The following PLXNA4 variants were observed in gnomAD, a reference collection of about 807,000 sequenced individuals.
PLXNA4 encodes the protein plexin A4, also known as plexin-A4.
In PLXNA4, 44 loss-of-function variants were observed where a neutral mutation model predicts 191.8. The observed-to-expected ratio is 0.23, with a 90% CI of 0.18 to 0.29. The LOEUF (loss-of-function observed/expected upper bound fraction) is 0.29. PLXNA4 is among the 10% of genes least tolerant of loss of function. The probability of loss-of-function intolerance (pLI) is 1.00; values close to 1 mark genes in which losing one functional copy is unlikely to be tolerated. For missense variants in PLXNA4, 1,800 were observed against 2,488.8 expected (o/e 0.72, Z 5.89); for synonymous variants, 1,082 against 1,009.5 (o/e 1.07, Z -1.36).
At chr7:132,254,938 G>T (rs1211562266) in intron 4 of PLXNA4, among the ~76,000 whole-genome samples, 2 of 152,146 alleles carry the variant, frequency 1.3e-5, no homozygotes, top group African/African-American at 4.8e-5. Flanking sequence ...TGGCCCTGGG[G>T]TGGAGATGGG....
At chr7:132,317,692 G>T (rs1425790641) in intron 3 of PLXNA4, among the ~76,000 whole-genome samples, 1 of 152,204 alleles carries the variant, frequency 6.6e-6, no homozygotes, top group African/African-American at 2.4e-5. Context: ...GTGACCATTT[G>T]CCTATCCTTG....
chr7:132,511,169 C>T (rs931152458), intron 1 of PLXNA4, among the ~76,000 whole-genome samples: 25 of 152,278 alleles, frequency 1.6e-4, no homozygotes, highest in Middle Eastern at 3.4e-3. Flanking sequence ...GGGCTGGAAG[C>T]ATAGACGAAT....
chr7:132,527,444 A>G (rs778039251), intron 1 of PLXNA4, among the ~76,000 whole-genome samples: 25 of 150,242 alleles, frequency 1.7e-4, no homozygotes, highest in Non-Finnish European at 3.0e-4. Context: ...AGTGAAGTTT[A>G]AAGAGGCTAA....
At chr7:132,325,748 T>C (rs960131341) in intron 3 of PLXNA4, among the ~76,000 whole-genome samples, 4 of 152,162 alleles carry the variant, frequency 2.6e-5, no homozygotes, top group Admixed American at 2.6e-4. Context: ...AATAAACTCC[T>C]AATGCCCCAG....
intron 3 of PLXNA4, among the ~76,000 whole-genome samples, chr7:132,348,791 C>T (rs1585020790): frequency 1.3e-5 from 2 of 152,218 alleles, no homozygotes; most frequent in African/African-American, 2.4e-5. Context: ...CAGAGAATCA[C>T]TCTGGTTAGC....
At chr7:132,283,344 T>C (rs1006091379) in intron 4 of PLXNA4, among the ~76,000 whole-genome samples, 1 of 152,208 alleles carries the variant, frequency 6.6e-6, no homozygotes, top group Non-Finnish European at 1.5e-5. Context: ...AATGTGTGCC[T>C]TTTGGAAAAG....
At chr7:132,594,246 C>T (rs1325255167) in intron 2 of PLXNA4, among the ~76,000 whole-genome samples, 1 of 152,174 alleles carries the variant, frequency 6.6e-6, no homozygotes, top group African/African-American at 2.4e-5. Context: ...GAAATTTGGA[C>T]ACAGACACCC....
intron 3 of PLXNA4, among the ~76,000 whole-genome samples, chr7:132,348,472 C>T (rs1803340539): frequency 6.6e-6 from 1 of 152,202 alleles, no homozygotes; most frequent in African/African-American, 2.4e-5. Flanking sequence ...CAAACCTGTT[C>T]TCTTCAGACC....
intron 4 of PLXNA4, among the ~76,000 whole-genome samples, chr7:132,248,722 GC>G (rs1255250895): frequency 6.6e-6 from 1 of 152,172 alleles, no homozygotes; most frequent in Non-Finnish European, 1.5e-5. Flanking sequence ...GGAAGGTCTA[GC>G]CCCTCAGCAA....
intron 3 of PLXNA4, among the ~76,000 whole-genome samples, chr7:132,439,866 C>T (rs1372994380): frequency 2.0e-5 from 3 of 152,194 alleles, no homozygotes; most frequent in Non-Finnish European, 4.4e-5. Flanking sequence ...TGGTTCCTGA[C>T]CTCAAAAATT....
chr7:132,209,147 T>C (rs1030181912), intron 10 of PLXNA4, among the ~76,000 whole-genome samples: 5 of 152,210 alleles, frequency 3.3e-5, no homozygotes, highest in Non-Finnish European at 7.3e-5. Context: ...TGGAGTATCT[T>C]TGTCTATTAA....
At chr7:132,523,010 G>A (rs1440886229) in intron 1 of PLXNA4, among the ~76,000 whole-genome samples, 1 of 152,000 alleles carries the variant, frequency 6.6e-6, no homozygotes, top group African/African-American at 2.4e-5. Flanking sequence ...GGGGCCAAGG[G>A]CTTGTCAGAA....
chr7:132,415,377 C>A (rs558373268), intron 3 of PLXNA4, among the ~76,000 whole-genome samples: 1 of 152,100 alleles, frequency 6.6e-6, no homozygotes, highest in Admixed American at 6.5e-5. Context: ...TATGTGTGTG[C>A]GAGACCAGGG....
At chr7:132,433,459 A>G (rs1000432626) in intron 3 of PLXNA4, among the ~76,000 whole-genome samples, 2 of 152,196 alleles carry the variant, frequency 1.3e-5, no homozygotes, top group African/African-American at 4.8e-5. Context: ...AAGAGAAAAC[A>G]TGTGGCCACG....
intron 3 of PLXNA4, among the ~76,000 whole-genome samples, chr7:132,302,423 G>T (rs745577931): frequency 6.6e-6 from 1 of 152,046 alleles, no homozygotes; most frequent in Non-Finnish European, 1.5e-5. Flanking sequence ...ATACATGGTT[G>T]GTGCTTAGTA....
chr7:132,148,147 A>G, intron 26 of PLXNA4, 148 bp from the exon 27 acceptor site: 1 of 1,230,484 alleles, frequency 8.1e-7, no homozygotes, highest in Admixed American at 2.2e-5. Flanking sequence ...CTTTCCTTGG[A>G]GCAGAACAAG....
At chr7:132,144,381 G>T (rs990743453) in intron 29 of PLXNA4, among the ~76,000 whole-genome samples, 2 of 152,196 alleles carry the variant, frequency 1.3e-5, no homozygotes, top group African/African-American at 4.8e-5. Context: ...CAAGTGAAAG[G>T]AAGGATGATC....
chr7:132,635,218 C>T (rs1306767524), intron 2 of PLXNA4, among the ~76,000 whole-genome samples: 1 of 146,938 alleles, frequency 6.8e-6, no homozygotes, highest in African/African-American at 2.5e-5. Context: ...CCTATTAGTT[C>T]TATCGCTCTA....
intron 16 of PLXNA4, among the ~76,000 whole-genome samples, chr7:132,182,957 C>T (rs749537654): frequency 9.2e-5 from 14 of 152,092 alleles, no homozygotes; most frequent in African/African-American, 1.2e-4. Flanking sequence ...AAGGGGTGGG[C>T]AGTACTGTAG....
Sources: gnomAD v4.1 joint callset for allele counts (sites outside exome capture counted in the v4.1 genomes callset) on GRCh38, gnomAD v4.1.1 for gene constraint, MANE v1.5 for transcripts, NCBI Gene and HGNC (gene_info 2026-07-23, HGNC 2026-07-21) for gene names.